PHTF2: variants seen among roughly 807,000 people sequenced by gnomAD.
PHTF2 encodes protein PHTF2.
A neutral mutation model predicts 101.2 loss-of-function variants in PHTF2; 60 were observed. The observed-to-expected ratio is 0.59, with a 90% confidence interval of 0.48 to 0.73. PHTF2 has a LOEUF of 0.73. Ranked by LOEUF, PHTF2 falls within the 30% of genes least tolerant of loss-of-function variation. The probability of loss-of-function intolerance (pLI) is 0.00; values close to 1 mark genes in which losing one functional copy is unlikely to be tolerated. For synonymous variants in PHTF2, 311 were observed against 307.3 expected (o/e 1.01, Z -0.13); for missense variants, 747 against 908.7 (o/e 0.82, Z 2.29).
At position 77,912,991 on chromosome 7, in the gene PHTF2, AT is replaced by A. The variant is rs140719661; in HGVS notation, c.776+2587del. Among the ~76,000 whole-genome samples the A allele has an allele frequency of 5.1e-3, 781 of 152,096 alleles. 9 individuals are homozygous for A. Among genetic ancestry groups the A allele is most frequent in the Non-Finnish European group, 7.9e-3 (534 of 67,956 alleles). On this transcript the variant is annotated intron_variant, in intron 9 of 19. Transcript: ENST00000416283. ...ATTTTATTCTCAAGATAAAACTATT[AT>A]TTTTGAAACAAGACATAGTATTTTT...
intron 5 of PHTF2, among the ~76,000 whole-genome samples, chr7:77,899,845 T>G (rs1027579218): frequency 6.6e-6 from 1 of 152,214 alleles, no homozygotes; most frequent in Admixed American, 6.5e-5. Context: ...CTCGCAGTAA[T>G]TGGCTCCTGA....
chr7:77,946,653 T>TA lies in PHTF2; in HGVS notation c.1960-3024dup, dbSNP rs561664928. On this transcript the variant is annotated intron_variant, in intron 16 of 19. Transcript: ENST00000416283. ...TCTGTAAAGGGCCAGATAAATATTTTAGACTTTTGCCTGACACATACAATC... is the reference window on the plus strand; with the variant it reads ...TCTGTAAAGGGCCAGATAAATATTTTAAGACTTTTGCCTGACACATACAATC... Among the ~76,000 whole-genome samples, 738 of 152,326 alleles carry TA rather than the reference T, an allele frequency of 4.8e-3. 9 individuals carry two copies. The highest frequency in any genetic ancestry group is 0.017 in the African/African-American group (693 of 41,578).
chr7:77,840,083 A>C (rs527661977), intron 1 of PHTF2, 138 bp from the exon 2 acceptor site: 1 of 418,866 alleles, frequency 2.4e-6, no homozygotes, highest in East Asian at 3.5e-5. Context: ...TAAAATAGTA[A>C]TGAGGAAGAG....
rs569565117 is a variant in PHTF2, at chr7:77,859,493, T to A, written c.147+4659T>A. Among the ~76,000 whole-genome samples, 9 of 151,748 alleles carry A rather than the reference T, an allele frequency of 5.9e-5. No homozygotes were observed. The East Asian group carries it at 7.7e-4, about 13-fold the overall frequency. On this transcript the variant is annotated intron_variant, in intron 3 of 19. Transcript: ENST00000416283. ...GTCGAACACCTAGGTCCTCTTTTTT[T>A]AAAAAAAATTTTTCATTCCTTAAAG...
intron 1 of PHTF2, among the ~76,000 whole-genome samples, chr7:77,838,673 A>C (rs1173375554): frequency 6.6e-6 from 1 of 152,198 alleles, no homozygotes; most frequent in Non-Finnish European, 1.5e-5. Context: ...AAGTGAAAGA[A>C]ACAGGTTGAG....
intron 1 of PHTF2, among the ~76,000 whole-genome samples, chr7:77,823,105 C>G (rs1794432355): frequency 6.6e-6 from 1 of 151,798 alleles, no homozygotes; most frequent in African/African-American, 2.4e-5. Context: ...GGGGTTTCAC[C>G]GTGTTAGCCA....
intron 3 of PHTF2, among the ~76,000 whole-genome samples, chr7:77,855,146 G>T (rs1252779278): frequency 6.6e-6 from 1 of 152,228 alleles, no homozygotes; most frequent in African/African-American, 2.4e-5. Flanking sequence ...TACCACTTAT[G>T]TGTATTCAAG....
intron 3 of PHTF2, among the ~76,000 whole-genome samples, chr7:77,887,384 T>C (rs908734535): frequency 2.6e-5 from 4 of 152,100 alleles, no homozygotes; most frequent in Non-Finnish European, 5.9e-5. Context: ...ACTCTTACCC[T>C]TCTTACTGCT....
intron 3 of PHTF2, among the ~76,000 whole-genome samples, chr7:77,887,312 A>G (rs559850985): frequency 2.0e-4 from 30 of 150,990 alleles, no homozygotes; most frequent in African/African-American, 7.3e-4. Context: ...ATTTAGTTGA[A>G]TTTTCATCTG....
chr7:77,908,164 G>A (rs1266148116), intron 7 of PHTF2, among the ~76,000 whole-genome samples: 1 of 152,154 alleles, frequency 6.6e-6, no homozygotes, highest in Non-Finnish European at 1.5e-5. Flanking sequence ...TAGGTTACAT[G>A]TCTATCCCTG....
intron 1 of PHTF2, among the ~76,000 whole-genome samples, chr7:77,822,640 G>A (rs564062059): frequency 6.6e-6 from 1 of 152,276 alleles, no homozygotes; most frequent in South Asian, 2.1e-4. Flanking sequence ...CCCTGAAATG[G>A]GAAGTCCCTC....
intron 19 of PHTF2, 106 bp downstream of exon 18, chr7:77,954,000 AATTAT>A: frequency 1.2e-6 from 1 of 804,720 alleles, no homozygotes; most frequent in Non-Finnish European, 2.0e-6. Flanking sequence ...GTAAGATTGC[AATTAT>A]TGAACATTTC....
chr7:77,885,652 C>T (rs570038717), intron 3 of PHTF2, among the ~76,000 whole-genome samples: 52 of 152,230 alleles, frequency 3.4e-4, no homozygotes, highest in African/African-American at 1.3e-3. Flanking sequence ...ACCATGTTGG[C>T]CAGGCTAGTC....
chr7:77,880,839 A>C (rs372033769), intron 3 of PHTF2, among the ~76,000 whole-genome samples: 1 of 152,260 alleles, frequency 6.6e-6, no homozygotes, highest in East Asian at 1.9e-4. Flanking sequence ...CATGCCTGGC[A>C]TACTTGTAGG....
chr7:77,872,645 T>C (rs2471585), intron 3 of PHTF2, among the ~76,000 whole-genome samples: 28,470 of 152,150 alleles, frequency 0.19, 3,333 homozygotes, highest in African/African-American at 0.33. Context: ...CTTCCCACTG[T>C]TAGACCTGAC....
chr7:77,876,010 T>C (rs1798915067), intron 3 of PHTF2, among the ~76,000 whole-genome samples: 1 of 152,232 alleles, frequency 6.6e-6, no homozygotes, highest in Non-Finnish European at 1.5e-5. Context: ...TAGAGAAGTC[T>C]AGTAGTTTTC....
chr7:77,957,195 G>C (rs1219915574), exon 20 of PHTF2: 7 of 151,668 alleles, frequency 4.6e-5, no homozygotes, highest in Non-Finnish European at 8.8e-5. Context: ...AAGTTTTACA[G>C]TAAGTTTAAA....
intron 12 of PHTF2, among the ~76,000 whole-genome samples, chr7:77,930,369 C>T (rs905898194): frequency 2.6e-5 from 4 of 151,896 alleles, no homozygotes; most frequent in East Asian, 1.9e-4. Context: ...CAAATTTAAC[C>T]AGTCCTCCCT....
chr7:77,893,793 G>T (rs921742801), intron 4 of PHTF2, 129 bp downstream of exon 3: 2 of 616,806 alleles, frequency 3.2e-6, no homozygotes, highest in Non-Finnish European at 5.7e-6. Context: ...TTTAAAGAAA[G>T]AAGTAAACTT....
Sources: gnomAD v4.1 joint callset for allele counts (sites outside exome capture counted in the v4.1 genomes callset) on GRCh38, gnomAD v4.1.1 for gene constraint, MANE v1.5 for transcripts, NCBI Gene and HGNC (gene_info 2026-07-23, HGNC 2026-07-21) for gene names.